The following ADAM17 variants were observed in gnomAD, a reference collection of about 807,000 sequenced individuals.
ADAM17 encodes the protein disintegrin and metalloproteinase domain-containing protein 17.
Under a neutral mutation model 96.7 loss-of-function variants are expected in ADAM17, and 39 were observed. The ratio of observed to expected loss-of-function variants is 0.40; its 90% confidence interval spans 0.31 to 0.53. The LOEUF is 0.53. Among genes scored for constraint, ADAM17 ranks in the 20% least tolerant of loss-of-function variants. The pLI is 0.44. For missense variants in ADAM17, 777 were observed against 1,013.2 expected, an observed-to-expected ratio of 0.77 and a Z score of 3.17; for synonymous variants, 344 against 359.2, an observed-to-expected ratio of 0.96 and a Z score of 0.48.
At chr2:9,536,275 A>AT (rs938052274) in intron 3 of ADAM17, among the ~76,000 whole-genome samples, 5 of 151,488 alleles carry the variant, frequency 3.3e-5, no homozygotes, top group African/African-American at 1.2e-4. Context: ...TTTCAATGAC[A>AT]TTTTTTTTTC....
chr2:9,524,627 T>G (rs977595372), intron 6 of ADAM17, among the ~76,000 whole-genome samples: 1 of 152,294 alleles, frequency 6.6e-6, no homozygotes, highest in African/African-American at 2.4e-5. Context: ...GTACCTCGAA[T>G]GTCTTCCCCA....
intron 2 of ADAM17, among the ~76,000 whole-genome samples, chr2:9,542,214 C>G (rs1665232870): frequency 6.6e-6 from 1 of 151,776 alleles, no homozygotes; most frequent in African/African-American, 2.4e-5. Context: ...TCAATTTATG[C>G]TAAGAAGTAA....
At chr2:9,539,406 C>T (rs185346465) in intron 2 of ADAM17, among the ~76,000 whole-genome samples, 194 of 152,242 alleles carry the variant, frequency 1.3e-3, no homozygotes, top group African/African-American at 4.2e-3. Flanking sequence ...TGAGTCACCA[C>T]GCCTAGCTGA....
At chr2:9,494,846 C>T (rs535452785) in intron 14 of ADAM17, 79 bp from the exon 15 acceptor site, 51 of 1,551,482 alleles carry the variant, frequency 3.3e-5, no homozygotes, top group African/African-American at 3.0e-4. Flanking sequence ...CCTCCCTGAC[C>T]ATGCTCCCAA....
rs1037318427 is a variant in ADAM17 at position 9,514,673 on chromosome 2, A to G, written c.1191+3228T>C. On this transcript the variant is annotated intron_variant, in intron 10 of 18. Coordinates refer to ENST00000310823, the MANE Select transcript of ADAM17 (RefSeq NM_003183.6). ...CAGATCACAAGGTCAGGAGATTGAG[A>G]CCATCCTGGCTAACACAGTGAAACC... Among the ~76,000 whole-genome samples, 4 of 150,092 alleles carry G rather than the reference A, an allele frequency of 2.7e-5. No homozygotes were observed. The South Asian group carries it at 8.5e-4, about 32-fold the overall frequency.
intron 1 of ADAM17, among the ~76,000 whole-genome samples, chr2:9,544,643 T>A (rs898630272): frequency 1.3e-5 from 2 of 152,048 alleles, no homozygotes; most frequent in African/African-American, 4.8e-5. Flanking sequence ...CTGGCAAACA[T>A]GGTGAAACCC....
At chr2:9,547,449 G>A (rs1665438466) in intron 1 of ADAM17, among the ~76,000 whole-genome samples, 1 of 152,166 alleles carries the variant, frequency 6.6e-6, no homozygotes, top group African/African-American at 2.4e-5. Context: ...CATGATCCCT[G>A]CCTGCTGAGT....
intron 1 of ADAM17, among the ~76,000 whole-genome samples, chr2:9,552,373 T>A (rs762143628): frequency 2.6e-5 from 4 of 152,250 alleles, no homozygotes; most frequent in Non-Finnish European, 5.9e-5. Flanking sequence ...GTTTATCTCT[T>A]AGACTAATAT....
chr2:9,521,263 G>A lies in ADAM17; in HGVS notation c.897C>T (p.Asn299=). The A allele has an allele frequency of 6.2e-7, 1 of 1,612,978 alleles. No individual in the cohort carries two copies. Among genetic ancestry groups the A allele is most frequent in the Non-Finnish European group, 8.5e-7 (1 of 1,179,100 alleles). The change falls in exon 8 of 19, where the codon AAC becomes AAT. Residue 299 remains asparagine (N), a synonymous_variant. Transcript: ENST00000310823. ...CTTCATTTGGGTAACTTTTTGCCAT[G>A]TTGTAGTGCTTTTCACCAGGTTTTA... The part of the protein sequence containing the change: ...QEVKPGEKHY[N]MAKSYPNEEK...
intron 10 of ADAM17, among the ~76,000 whole-genome samples, chr2:9,513,281 A>C (rs1663845098): frequency 6.6e-6 from 1 of 152,228 alleles, no homozygotes; most frequent in South Asian, 2.1e-4. Flanking sequence ...GGCGTGAGCC[A>C]CCGCACCCAG....
chr2:9,496,844 C>T (rs183393634), intron 14 of ADAM17, among the ~76,000 whole-genome samples: 114 of 152,298 alleles, frequency 7.5e-4, no homozygotes, highest in Non-Finnish European at 1.3e-3. Flanking sequence ...TCACCCCCAA[C>T]AAAATTCCCT....
intron 10 of ADAM17, among the ~76,000 whole-genome samples, chr2:9,515,710 G>A (rs1341845531): frequency 6.7e-6 from 1 of 149,862 alleles, no homozygotes; most frequent in Non-Finnish European, 1.5e-5. Flanking sequence ...CTCCAGCCTG[G>A]GTGACAAGAG....
At chr2:9,513,515 G>A (rs569751405) in intron 10 of ADAM17, among the ~76,000 whole-genome samples, 44 of 152,214 alleles carry the variant, frequency 2.9e-4, no homozygotes, top group Middle Eastern at 3.4e-3. Flanking sequence ...CAAACTGTGA[G>A]ATCTGATACT....
In ADAM17 at chr2:9,531,103, G is replaced by A. The variant is rs374483493; in HGVS notation, c.451-3149C>T. Among the ~76,000 whole-genome samples the A allele has an allele frequency of 7.2e-5, 11 of 152,134 alleles. No homozygotes were observed. The East Asian group carries it at 1.2e-3, about 16-fold the overall frequency. On this transcript the variant is annotated intron_variant, in intron 4 of 18. Transcript: ENST00000310823. Reference sequence around the variant, plus strand: ...CTCCCGAGCAGTTGGGATTACGGGCGCAAGCCACCAAGCCTGGCTAATTTT... The same window carrying A: ...CTCCCGAGCAGTTGGGATTACGGGCACAAGCCACCAAGCCTGGCTAATTTT...
chr2:9,514,195 C>A (rs1438158900), intron 10 of ADAM17, among the ~76,000 whole-genome samples: 2 of 151,726 alleles, frequency 1.3e-5, no homozygotes, highest in Non-Finnish European at 2.9e-5. Flanking sequence ...AGGATGAGTT[C>A]ATGTCCTTCG....
intron 10 of ADAM17, among the ~76,000 whole-genome samples, chr2:9,511,821 C>T (rs757625095): frequency 2.6e-5 from 4 of 151,532 alleles, no homozygotes; most frequent in Non-Finnish European, 5.9e-5. Context: ...AAATATAAAA[C>T]CTAGCCAGGC....
chr2:9,526,370 T>C (rs1664531478), intron 5 of ADAM17, 126 bp from the exon 6 acceptor site: 1 of 958,010 alleles, frequency 1.0e-6, no homozygotes, highest in Non-Finnish European at 1.5e-6. Flanking sequence ...TAAAGGATTC[T>C]GAACAACAAC....
rs1249324100 is a variant in ADAM17, at chr2:9,517,940, CA to C, written c.1151del (p.Leu384Ter). ...TTTTACCATAATTCTTTGTGCTCGT[CA>C]AACCACTATTCAAATAGATATTTTT... ...GKKNIYLNSG[L>X]TSTKNYGKTI... On this transcript the variant is annotated frameshift_variant, in exon 10 of 19. Transcript: ENST00000310823. LOFTEE classifies it high-confidence loss of function. 6.2e-7 allele frequency: 1 copy of C among 1,604,364 alleles called. No homozygotes were observed. Among genetic ancestry groups the C allele is most frequent in the Non-Finnish European group, 8.5e-7 (1 of 1,176,840 alleles).
At chr2:9,494,557 T>G (rs2124966402) in intron 15 of ADAM17, 80 bp downstream of exon 15, 4 of 1,538,030 alleles carry the variant, frequency 2.6e-6, no homozygotes, top group Non-Finnish European at 3.6e-6. Context: ...TTGATTTGTT[T>G]TCATCTGCAA....
Sources: allele counts gnomAD v4.1 joint callset (sites outside exome capture counted in the v4.1 genomes callset), GRCh38; gene constraint gnomAD v4.1.1; transcripts MANE v1.5; gene names NCBI Gene and HGNC (gene_info 2026-07-23, HGNC 2026-07-21).